FRMD3: variants seen among roughly 807,000 people sequenced by gnomAD.
The protein encoded by FRMD3 is FERM domain containing 3.
In FRMD3, 33 loss-of-function variants were observed where a neutral mutation model predicts 70.2. That is an observed-to-expected ratio of 0.47 (90% confidence interval 0.36 to 0.63). The LOEUF (loss-of-function observed/expected upper bound fraction) is 0.63, where lower values mean the gene tolerates loss of function less well. Ranked by LOEUF, FRMD3 falls within the 20% of genes least tolerant of loss-of-function variation. The pLI is 0.00. For missense variants in FRMD3, 632 were observed against 711.4 expected, an observed-to-expected ratio of 0.89 and a Z score of 1.27; for synonymous variants, 279 against 255.9, an observed-to-expected ratio of 1.09 and a Z score of -0.86.
chr9:83,420,512 A>C (rs1204270765), intron 1 of FRMD3, among the ~76,000 whole-genome samples: 1 of 152,170 alleles, frequency 6.6e-6, no homozygotes, highest in African/African-American at 2.4e-5. Context: ...AGTAAACCTA[A>C]AAGATACCTT....
intron 13 of FRMD3, among the ~76,000 whole-genome samples, chr9:83,253,310 T>A (rs2118575009): frequency 6.6e-6 from 1 of 152,288 alleles, no homozygotes; most frequent in East Asian, 1.9e-4. Context: ...CAAGAAGTTC[T>A]TTGAAACTAA....
intron 3 of FRMD3, among the ~76,000 whole-genome samples, chr9:83,352,493 T>C (rs1375441482): frequency 6.6e-6 from 1 of 152,140 alleles, no homozygotes; most frequent in Non-Finnish European, 1.5e-5. Context: ...TCCCCAGTGC[T>C]CTCCTTGACT....
At chr9:83,408,131 G>A (rs563637333) in intron 1 of FRMD3, among the ~76,000 whole-genome samples, 2 of 152,194 alleles carry the variant, frequency 1.3e-5, no homozygotes, top group South Asian at 4.1e-4. Flanking sequence ...GAGTCACTAT[G>A]GCCAACCTGG....
Position 83,299,242 on chromosome 9 carries a change from A to G in FRMD3, c.927-56T>C, listed in dbSNP as rs1834803116. On this transcript the variant is annotated intron_variant, in intron 10 of 13. Transcript: ENST00000304195. ...GGACATTGGAAAGTCCACTTACAAC[A>G]TGCTATAGAGGTGTGGTGATGGGGT... is the stretch of plus-strand genomic sequence containing the variant. 9 of 1,135,958 alleles carry G rather than the reference A, an allele frequency of 7.9e-6. No individual in the cohort carries two copies. In the South Asian group the frequency reaches 1.2e-4, roughly 15 times the overall value. 70.4% of individuals were successfully genotyped at this position (1,135,958 alleles called of 1,614,324 possible). A position where few individuals can be genotyped will look rare whatever the true frequency, so the allele number is the denominator to read the frequency against.
At chr9:83,255,693 C>CA (rs1161787101) in intron 13 of FRMD3, among the ~76,000 whole-genome samples, 1 of 152,104 alleles carries the variant, frequency 6.6e-6, no homozygotes, top group Non-Finnish European at 1.5e-5. Flanking sequence ...GATATAAAAT[C>CA]AATGTGCAAA....
chr9:83,539,204 C>G (rs1329285604), upstream of FRMD3, among the ~76,000 whole-genome samples: 1 of 152,146 alleles, frequency 6.6e-6, no homozygotes, highest in African/African-American at 2.4e-5. Context: ...GCGGATGTGC[C>G]CCATCCCGTT....
the FRMD3 span, among the ~76,000 whole-genome samples, chr9:83,562,897 C>T: frequency 8.2e-3 from 1,238 of 151,864 alleles, 20 homozygotes; most frequent in African/African-American, 0.028. Context: ...CAATGCCCCC[C>T]CCCCAGCACA....
intron 3 of FRMD3, among the ~76,000 whole-genome samples, chr9:83,371,083 G>A (rs1486061997): frequency 6.6e-6 from 1 of 152,024 alleles, no homozygotes; most frequent in East Asian, 1.9e-4. Flanking sequence ...ACTGGGTATG[G>A]CTTAAGAACA....
intron 3 of FRMD3, among the ~76,000 whole-genome samples, chr9:83,355,850 AG>A (rs1427632600): frequency 6.6e-6 from 1 of 152,154 alleles, no homozygotes; most frequent in African/African-American, 2.4e-5. Flanking sequence ...GTAGCAGAGA[AG>A]GGGGAAAAAG....
the FRMD3 span, among the ~76,000 whole-genome samples, chr9:83,563,268 T>C: frequency 1.3e-5 from 2 of 152,144 alleles, no homozygotes; most frequent in East Asian, 3.9e-4. Context: ...CTACTGCGTG[T>C]CTAAGACTCC....
rs7027917 is a variant in FRMD3, at chr9:83,260,307, G to A, written c.1196-11791C>T. Among the ~76,000 whole-genome samples the A allele has an allele frequency of 7.6e-3, 1,153 of 152,270 alleles. 14 individuals carry two copies. The highest frequency in any genetic ancestry group is 0.026 in the African/African-American group (1,099 of 41,556). On this transcript the variant is annotated intron_variant, in intron 13 of 13. Transcript: ENST00000304195. ...TCACAAAATTAGGAAGCAACAGAGCGGAGGTTTGTATCCATGCCTGTCTGA... is the reference window on the plus strand; with the variant it reads ...TCACAAAATTAGGAAGCAACAGAGCAGAGGTTTGTATCCATGCCTGTCTGA...
At chr9:83,265,273 G>A (rs889814515) in intron 13 of FRMD3, among the ~76,000 whole-genome samples, 27 of 151,862 alleles carry the variant, frequency 1.8e-4, no homozygotes, top group South Asian at 1.0e-3. Context: ...GGTGGCAGGC[G>A]CCTGTAATAT....
intron 13 of FRMD3, among the ~76,000 whole-genome samples, chr9:83,259,442 G>A (rs1468507477): frequency 6.6e-6 from 1 of 152,068 alleles, no homozygotes; most frequent in African/African-American, 2.4e-5. Flanking sequence ...CGTCTGTTGG[G>A]TGGTTCCCTT....
At chr9:83,276,930 G>A (rs969898652) in intron 13 of FRMD3, among the ~76,000 whole-genome samples, 5 of 152,120 alleles carry the variant, frequency 3.3e-5, no homozygotes, top group African/African-American at 9.7e-5. Context: ...AGCTGGTCTC[G>A]AACTCCTGAC....
At chr9:83,378,808 C>A (rs1300032233) in intron 2 of FRMD3, among the ~76,000 whole-genome samples, 19 of 112,764 alleles carry the variant, frequency 1.7e-4, no homozygotes, top group African/African-American at 7.7e-4. Flanking sequence ...TATATATATA[C>A]TATATATAAA....
intron 2 of FRMD3, among the ~76,000 whole-genome samples, chr9:83,375,026 C>T (rs188485107): frequency 1.3e-4 from 20 of 152,336 alleles, no homozygotes; most frequent in East Asian, 1.9e-4. Flanking sequence ...TTCAACTCCT[C>T]GGCCCTTTCT....
chr9:83,556,307 T>C, the FRMD3 span, among the ~76,000 whole-genome samples: 1 of 152,230 alleles, frequency 6.6e-6, no homozygotes, highest in African/African-American at 2.4e-5. Flanking sequence ...TCAGCAAATA[T>C]TGTTTTGGGT....
At chr9:83,335,818 G>C (rs985905702) in intron 5 of FRMD3, among the ~76,000 whole-genome samples, 179 bp from the exon 6 acceptor site, 1 of 152,092 alleles carries the variant, frequency 6.6e-6, no homozygotes, top group Non-Finnish European at 1.5e-5. Context: ...AGTTCAGATC[G>C]AGCTGTGTGA....
At chr9:83,396,736 T>C (rs1193791691) in intron 1 of FRMD3, among the ~76,000 whole-genome samples, 2 of 152,284 alleles carry the variant, frequency 1.3e-5, no homozygotes, top group African/African-American at 4.8e-5. Flanking sequence ...CACAGAGAAA[T>C]GGAGCCTGTG....
Sources: gnomAD v4.1 joint callset for allele counts (sites outside exome capture counted in the v4.1 genomes callset) on GRCh38, gnomAD v4.1.1 for gene constraint, MANE v1.5 for transcripts, NCBI Gene and HGNC (gene_info 2026-07-23, HGNC 2026-07-21) for gene names.